Variants in JAZF1 observed in about 807,000 individuals in gnomAD.
The protein encoded by JAZF1 is JAZF zinc finger 1, also known as juxtaposed with another zinc finger protein 1.
JAZF1 carries 8 observed loss-of-function variants against 26.4 expected under a neutral mutation model. That is an observed-to-expected ratio of 0.30 (90% confidence interval 0.18 to 0.55). JAZF1 has a LOEUF of 0.55. JAZF1 is among the 20% of genes least tolerant of loss of function. The pLI, the probability that JAZF1 is intolerant of heterozygous loss-of-function variation, is 0.94. For missense variants in JAZF1, 199 were observed against 322.0 expected (o/e 0.62, Z 2.92); for synonymous variants, 126 against 122.3 (o/e 1.03, Z -0.20).
At chr7:28,078,115 T>C (rs181151211) in intron 1 of JAZF1, among the ~76,000 whole-genome samples, 1 of 152,280 alleles carries the variant, frequency 6.6e-6, no homozygotes, top group Admixed American at 6.5e-5. Context: ...ATTGAGAATT[T>C]TTCCCATAGA....
At chr7:28,174,422 C>T (rs1783518260) in intron 1 of JAZF1, among the ~76,000 whole-genome samples, 1 of 152,208 alleles carries the variant, frequency 6.6e-6, no homozygotes, top group South Asian at 2.1e-4. Flanking sequence ...TTAAGGTATC[C>T]TCACTGTCAC....
intron 3 of JAZF1, among the ~76,000 whole-genome samples, chr7:27,869,178 T>C (rs920012169): frequency 6.6e-6 from 1 of 152,194 alleles, no homozygotes; most frequent in African/African-American, 2.4e-5. Context: ...TAAGACTAAG[T>C]GTTATTAGAC....
chr7:27,970,320 T>C (rs1195315164), intron 2 of JAZF1, among the ~76,000 whole-genome samples: 1 of 152,196 alleles, frequency 6.6e-6, no homozygotes, highest in Admixed American at 6.5e-5. Context: ...AGAACCCACT[T>C]CTAAAAGCTT....
At chr7:27,901,371 A>G (rs944097522) in intron 2 of JAZF1, among the ~76,000 whole-genome samples, 2 of 152,236 alleles carry the variant, frequency 1.3e-5, no homozygotes, top group Non-Finnish European at 2.9e-5. Flanking sequence ...TGACATGCTC[A>G]ACGTGGAAAC....
chr7:28,013,659 C>T lies in JAZF1; in HGVS notation c.116-21678G>A, dbSNP rs57516014. Among the ~76,000 whole-genome samples the T allele has an allele frequency of 8.8e-3, 1,341 of 152,152 alleles. 19 individuals carry two copies. Among genetic ancestry groups the T allele is most frequent in the African/African-American group, 0.029 (1,186 of 41,480 alleles). Reference sequence around the variant, plus strand: ...TCTTAGATTAGATGACACATAGTAACGGGCTGCAGGATCTGATGAGGTGGT... The same window carrying T: ...TCTTAGATTAGATGACACATAGTAATGGGCTGCAGGATCTGATGAGGTGGT... On this transcript the variant is annotated intron_variant, in intron 1 of 4. Transcript: ENST00000283928.
chr7:28,065,974 T>C (rs1033667341), intron 1 of JAZF1, among the ~76,000 whole-genome samples: 1 of 152,126 alleles, frequency 6.6e-6, no homozygotes, highest in African/African-American at 2.4e-5. Flanking sequence ...ATCGCAAAAC[T>C]TGCCAAGAGC....
chr7:28,128,141 C>T (rs1305153625), intron 1 of JAZF1, among the ~76,000 whole-genome samples: 1 of 152,148 alleles, frequency 6.6e-6, no homozygotes, highest in Non-Finnish European at 1.5e-5. Context: ...GATCATAGTC[C>T]TGGTTACTGA....
intron 1 of JAZF1, among the ~76,000 whole-genome samples, chr7:28,107,751 C>A (rs141614801): frequency 2.0e-5 from 3 of 152,244 alleles, no homozygotes; most frequent in Non-Finnish European, 4.4e-5. Flanking sequence ...ACAGAGACAC[C>A]ATTTCCGTTG....
intron 2 of JAZF1, among the ~76,000 whole-genome samples, chr7:27,986,318 A>G (rs1562549986): frequency 1.3e-5 from 2 of 152,186 alleles, no homozygotes; most frequent in South Asian, 4.1e-4. Flanking sequence ...ATACACCAAT[A>G]ACAGACAGAC....
At chr7:27,863,812 G>A (rs904222158) in intron 3 of JAZF1, 1 of 152,230 alleles carries the variant, frequency 6.6e-6, no homozygotes, top group African/African-American at 2.4e-5. Flanking sequence ...AAGGGAGGAA[G>A]GCATAGCGAA....
intron 2 of JAZF1, among the ~76,000 whole-genome samples, chr7:27,909,669 G>A (rs1347294213): frequency 6.6e-6 from 1 of 152,086 alleles, no homozygotes; most frequent in African/African-American, 2.4e-5. Flanking sequence ...ATCCGCCACT[G>A]CCCTCCAGCC....
chr7:28,031,431 C>T (rs568994097), intron 1 of JAZF1, among the ~76,000 whole-genome samples: 8 of 152,178 alleles, frequency 5.3e-5, no homozygotes, highest in Admixed American at 2.0e-4. Context: ...ACGCTCACTC[C>T]CAATATCCCA....
intron 1 of JAZF1, among the ~76,000 whole-genome samples, chr7:28,101,481 G>A (rs1312181406): frequency 6.7e-6 from 1 of 148,552 alleles, no homozygotes; most frequent in Non-Finnish European, 1.5e-5. Flanking sequence ...GCTCATGCCT[G>A]TAATTCTAGC....
intron 3 of JAZF1, among the ~76,000 whole-genome samples, chr7:27,850,620 G>A (rs1028535078): frequency 3.3e-5 from 5 of 152,164 alleles, no homozygotes; most frequent in Admixed American, 6.5e-5. Context: ...GAGTTCAGAC[G>A]GGAAGGAGGA....
At chr7:28,038,473 T>C (rs1295297776) in intron 1 of JAZF1, among the ~76,000 whole-genome samples, 1 of 152,196 alleles carries the variant, frequency 6.6e-6, no homozygotes, top group Non-Finnish European at 1.5e-5. Context: ...TACTACGGAA[T>C]TTGTTGTTTT....
intron 1 of JAZF1, among the ~76,000 whole-genome samples, chr7:28,094,351 G>T (rs943318399): frequency 2.0e-5 from 3 of 152,134 alleles, no homozygotes; most frequent in African/African-American, 7.2e-5. Context: ...CCCACGGCTG[G>T]CAAGGAACAA....
At chr7:27,864,707 C>T (rs1055338068) in intron 3 of JAZF1, among the ~76,000 whole-genome samples, 1 of 152,092 alleles carries the variant, frequency 6.6e-6, no homozygotes, top group African/African-American at 2.4e-5. Flanking sequence ...AAAAAAAAAT[C>T]CTACATTTTT....
At chr7:28,015,035 G>GTA (rs1782862937) in intron 1 of JAZF1, among the ~76,000 whole-genome samples, 1 of 134,120 alleles carries the variant, frequency 7.5e-6, no homozygotes, top group African/African-American at 3.4e-5. Context: ...AAGTGTGTAT[G>GTA]TGTGTGTGTG....
intron 2 of JAZF1, among the ~76,000 whole-genome samples, chr7:27,989,544 G>T (rs1461188746): frequency 2.0e-5 from 3 of 152,116 alleles, no homozygotes; most frequent in African/African-American, 7.2e-5. Context: ...CTGACAAAGG[G>T]CTAATATCCA....
Sources: gnomAD v4.1 joint callset for allele counts (sites outside exome capture counted in the v4.1 genomes callset) on GRCh38, gnomAD v4.1.1 for gene constraint, MANE v1.5 for transcripts, NCBI Gene and HGNC (gene_info 2026-07-23, HGNC 2026-07-21) for gene names.